RFXAP: variants seen among roughly 807,000 people sequenced by gnomAD.
The protein encoded by RFXAP is regulatory factor X associated protein, also known as regulatory factor X-associated protein.
A neutral mutation model predicts 25.7 loss-of-function variants in RFXAP; 21 were observed. That is an observed-to-expected ratio of 0.82 (90% CI 0.58 to 1.18). RFXAP has a LOEUF of 1.18. Among genes scored for constraint, RFXAP ranks in the 50% most tolerant of loss-of-function variants. The probability of loss-of-function intolerance (pLI) is 0.00; values close to 1 mark genes in which losing one functional copy is unlikely to be tolerated. For synonymous variants in RFXAP, 161 were observed against 152.2 expected (o/e 1.06, Z -0.43); for missense variants, 333 against 363.0 (o/e 0.92, Z 0.67).
intron 2 of RFXAP, among the ~76,000 whole-genome samples, chr13:36,826,923 C>T (rs2057979913): frequency 6.6e-6 from 1 of 152,042 alleles, no homozygotes; most frequent in Non-Finnish European, 1.5e-5. Flanking sequence ...CCGAGGAGTT[C>T]AAGACTGCAG....
At chr13:36,821,290 T>A (rs1464075833) in intron 1 of RFXAP, among the ~76,000 whole-genome samples, 1 of 151,816 alleles carries the variant, frequency 6.6e-6, no homozygotes, top group Non-Finnish European at 1.5e-5. Flanking sequence ...GTATTCTAAG[T>A]CTTTAAATTT....
chr13:36,820,013 A>T (rs1433070353), intron 1 of RFXAP, 56 bp downstream of exon 1: 5 of 1,593,116 alleles, frequency 3.1e-6, no homozygotes, highest in Non-Finnish European at 4.3e-6. Flanking sequence ...ACCCGATCTT[A>T]ACGCAAACCG....
rs1364182621 is a variant in RFXAP at position 36,827,892 on chromosome 13, G to A, written c.*139G>A. On this transcript the variant is annotated 3_prime_UTR_variant, in exon 3 of 3. Transcript: ENST00000255476. Reference sequence around the variant, plus strand: ...TCCTGTAAATGTATGTGTGCATTTGGGGATAAGTAAGTATTGCACTTTGTG... The same window carrying A: ...TCCTGTAAATGTATGTGTGCATTTGAGGATAAGTAAGTATTGCACTTTGTG... The A allele has an allele frequency of 2.9e-6, 2 of 701,380 alleles. No individual in the cohort carries two copies. Among genetic ancestry groups the A allele is most frequent in the South Asian group, 3.6e-5 (2 of 55,548 alleles). The allele number at this position is 701,380 out of a possible 1,614,324, so 43.4% of individuals were successfully genotyped here. A position where few individuals can be genotyped will look rare whatever the true frequency, so the allele number is the denominator to read the frequency against.
intron 2 of RFXAP, among the ~76,000 whole-genome samples, chr13:36,826,259 C>T (rs1052309679): frequency 2.6e-5 from 4 of 151,814 alleles, no homozygotes; most frequent in African/African-American, 9.7e-5. Flanking sequence ...AAGTTTATTA[C>T]AAAAATTCCT....
intron 1 of RFXAP, among the ~76,000 whole-genome samples, chr13:36,824,483 G>GA (rs1420073093): frequency 3.3e-5 from 5 of 152,022 alleles, no homozygotes; most frequent in African/African-American, 1.2e-4. Context: ...AAGCCCAAGA[G>GA]AAAAAACAGC....
In RFXAP at chr13:36,827,652, A is replaced by C; in HGVS notation, c.718A>C (p.Arg240=). ...TTCTTTTCTTTCTAAGTCGTTACTA[A>C]GAAGTCCAGAAGTAGTGCAATTTTT... The part of the protein sequence containing the change: ...VLNQKRLSLL[R]SPEVVQFLQK... The change falls in exon 3 of 3, where the codon AGA becomes CGA. Residue 240 remains arginine, a synonymous_variant. Transcript: ENST00000255476. 1 of 1,613,368 alleles carries C rather than the reference A, an allele frequency of 6.2e-7. No individual in the cohort carries two copies. The highest frequency in any genetic ancestry group is 8.5e-7 in the Non-Finnish European group (1 of 1,179,488).
Position 36,828,868 on chromosome 13 carries a change from G to T in RFXAP, c.*1115G>T, listed in dbSNP as rs906607129. On this transcript the variant is annotated 3_prime_UTR_variant, in exon 3 of 3. Coordinates refer to ENST00000255476, the MANE Select transcript of RFXAP (RefSeq NM_000538.4). ...GAATAACAAATTAAATGTCAAGAGA[G>T]TATATCCAATATTAGGATATAAATG... 1.3e-5 allele frequency: 2 copies of T among 152,162 alleles called. No homozygotes were observed. Among genetic ancestry groups the T allele is most frequent in the East Asian group, 3.8e-4 (2 of 5,200 alleles). The allele number at this position is 152,162 out of a possible 1,614,324, so 9.4% of individuals were successfully genotyped here.
At chr13:36,821,971 T>TA (rs1281338724) in intron 1 of RFXAP, among the ~76,000 whole-genome samples, 6 of 152,206 alleles carry the variant, frequency 3.9e-5, no homozygotes, top group Non-Finnish European at 8.8e-5. Context: ...TTTAGGGAAA[T>TA]AAGCATCTGG....
At chr13:36,825,659 T>G in intron 2 of RFXAP, 124 bp downstream of exon 2, 1 of 584,116 alleles carries the variant, frequency 1.7e-6, no homozygotes, top group South Asian at 2.2e-5. Context: ...AAATTCCTAA[T>G]AAGTCAAAAT....
chr13:36,819,343 C>T lies in RFXAP; in HGVS notation c.-15C>T. The T allele has an allele frequency of 1.6e-5, 20 of 1,253,128 alleles. No individual in the cohort carries two copies. The highest frequency in any genetic ancestry group is 2.0e-5 in the Non-Finnish European group (20 of 995,822). The allele number at this position is 1,253,128 out of a possible 1,614,324, so 77.6% of individuals were successfully genotyped here. A position where few individuals can be genotyped will look rare whatever the true frequency, so the allele number is the denominator to read the frequency against. On this transcript the variant is annotated 5_prime_UTR_variant, in exon 1 of 3. Coordinates refer to ENST00000255476, the MANE Select transcript of RFXAP (RefSeq NM_000538.4). ...AAAAGCCCGGGGTCGTGGACCCCGG[C>T]CAGGTCTTAGCAGCATGGAGGCGCA...
At chr13:36,820,270 A>G (rs939893003) in intron 1 of RFXAP, among the ~76,000 whole-genome samples, 1 of 152,202 alleles carries the variant, frequency 6.6e-6, no homozygotes, top group South Asian at 2.1e-4. Flanking sequence ...GTTCATCGCT[A>G]AAGGAGACTT....
Position 36,825,408 on chromosome 13 carries a change from AT to A in RFXAP, c.601-15del. The A allele has an allele frequency of 6.5e-7, 1 of 1,547,214 alleles. No individual in the cohort carries two copies. The highest frequency in any genetic ancestry group is 8.9e-7 in the Non-Finnish European group (1 of 1,121,210). ...TTACGTTAACTGTTTATCTATTTGC[AT>A]TTTTATCATTTATCCCAGGAAAGTG... is the stretch of plus-strand genomic sequence containing the variant. On this transcript the variant is annotated intron_variant, in intron 1 of 2. Coordinates refer to ENST00000255476, the MANE Select transcript of RFXAP (RefSeq NM_000538.4).
chr13:36,819,587 G>A lies in RFXAP; in HGVS notation c.230G>A (p.Gly77Glu), dbSNP rs994764018. The A allele has an allele frequency of 6.5e-7, 1 of 1,534,270 alleles. No homozygotes were observed. The highest frequency in any genetic ancestry group is 8.8e-7 in the Non-Finnish European group (1 of 1,137,484). Residue 77 changes from glycine (G) to glutamate (E), a missense_variant, in exon 1 of 3, where the codon GGG (glycine) becomes GAG (glutamate). Gly to Glu is a moderately conservative substitution (Grantham distance 98). Transcript: ENST00000255476. ...AAGCCCGTTAGGTACCTGTGCGAAG[G>A]GGCCGGGGATGGCGAAGAGGAGGCT... ...AGKPVRYLCE[G>E]AGDGEEEAGE...
At chr13:36,822,980 A>G (rs1158709836) in intron 1 of RFXAP, among the ~76,000 whole-genome samples, 1 of 152,214 alleles carries the variant, frequency 6.6e-6, no homozygotes, top group Non-Finnish European at 1.5e-5. Flanking sequence ...TGCAGAGGAA[A>G]CGTGACTCAG....
intron 2 of RFXAP, among the ~76,000 whole-genome samples, chr13:36,825,797 T>C (rs2057976324): frequency 6.6e-6 from 1 of 152,164 alleles, no homozygotes; most frequent in South Asian, 2.1e-4. Flanking sequence ...TCAAAAATGG[T>C]GGCAAATTGC....
intron 2 of RFXAP, among the ~76,000 whole-genome samples, chr13:36,827,167 A>G (rs921168582): frequency 3.9e-5 from 6 of 152,112 alleles, no homozygotes; most frequent in Admixed American, 3.9e-4. Context: ...TATACACACA[A>G]TTTTTAATTT....
At position 36,828,903 on chromosome 13, in the gene RFXAP, C is replaced by G. The variant is rs2057986802; in HGVS notation, c.*1150C>G. On this transcript the variant is annotated 3_prime_UTR_variant, in exon 3 of 3. Coordinates refer to ENST00000255476, the MANE Select transcript of RFXAP (RefSeq NM_000538.4). ...TATTAGGATATAAATGTATGTGTCT[C>G]AAGTTTAACTCTACAAAAATTTGTT... 6.6e-6 allele frequency: 1 copy of G among 152,206 alleles called. No homozygotes were observed. Among genetic ancestry groups the G allele is most frequent in the South Asian group, 2.1e-4 (1 of 4,828 alleles). The allele number at this position is 152,206 out of a possible 1,614,324, so 9.4% of individuals were successfully genotyped here. A position where few individuals can be genotyped will look rare whatever the true frequency, so the allele number is the denominator to read the frequency against.
Position 36,819,289 on chromosome 13 carries a change from G to T in RFXAP, c.-69G>T. 1 of 1,230,250 alleles carries T rather than the reference G, an allele frequency of 8.1e-7. No individual in the cohort carries two copies. The allele number at this position is 1,230,250 out of a possible 1,614,324, so 76.2% of individuals were successfully genotyped here. On this transcript the variant is annotated 5_prime_UTR_variant, in exon 1 of 3. Transcript: ENST00000255476. ...CCAGCGTGTCCTGAGTCTTTGGTTC[G>T]CGAAGTGCCGTTAGGCCAAGCAGGT...
chr13:36,825,593 G>C, intron 2 of RFXAP, 58 bp downstream of exon 2: 1 of 1,257,082 alleles, frequency 8.0e-7, no homozygotes. Context: ...GTTATAAATG[G>C]AACAATTGAG....
Sources: allele counts gnomAD v4.1 joint callset (sites outside exome capture counted in the v4.1 genomes callset), GRCh38; gene constraint gnomAD v4.1.1; transcripts MANE v1.5; gene names NCBI Gene and HGNC (gene_info 2026-07-23, HGNC 2026-07-21).